RAP1GAP2: variants seen among roughly 807,000 people sequenced by gnomAD.
RAP1GAP2 encodes rap1 GTPase-activating protein 2.
In RAP1GAP2, 27 loss-of-function variants were observed where a neutral mutation model predicts 95.0. The observed-to-expected ratio is 0.28, with a 90% CI of 0.21 to 0.39. The LOEUF is 0.39. Among genes scored for constraint, RAP1GAP2 ranks in the 10% least tolerant of loss-of-function variants. The pLI is 1.00. For synonymous variants in RAP1GAP2, 373 were observed against 380.9 expected (o/e 0.98, Z 0.24); for missense variants, 771 against 970.0 (o/e 0.79, Z 2.72).
At chr17:2,935,585 T>C (rs967436638) in intron 3 of RAP1GAP2, among the ~76,000 whole-genome samples, 1 of 151,878 alleles carries the variant, frequency 6.6e-6, no homozygotes, top group Non-Finnish European at 1.5e-5. Context: ...TCAATAAATG[T>C]CACCCCCCCG....
At chr17:2,829,277 C>G (rs1287618587) in intron 2 of RAP1GAP2, among the ~76,000 whole-genome samples, 1 of 152,160 alleles carries the variant, frequency 6.6e-6, no homozygotes, top group African/African-American at 2.4e-5. Flanking sequence ...AGCTACCATG[C>G]CCGGCCAATT....
At chr17:2,948,435 G>A (rs1597694158) in intron 3 of RAP1GAP2, among the ~76,000 whole-genome samples, 1 of 152,220 alleles carries the variant, frequency 6.6e-6, no homozygotes, top group East Asian at 1.9e-4. Context: ...GGTCTCATGA[G>A]CTGGGGTGCG....
chr17:2,995,555 C>T lies in RAP1GAP2; in HGVS notation c.1044+89C>T, dbSNP rs556757884. ...TGACCTGCTAAGAGGCTGTGGCCGT[C>T]CCCATATTCGTTCCCGTAGCCGGCC... On this transcript the variant is annotated intron_variant, in intron 13 of 24. Coordinates refer to ENST00000254695, the MANE Select transcript of RAP1GAP2 (RefSeq NM_015085.5). 3.9e-6 allele frequency: 6 copies of T among 1,536,434 alleles called. No individual in the cohort carries two copies. The East Asian group carries it at 1.1e-4, about 29-fold the overall frequency.
At chr17:2,824,540 C>T (rs898874081) in intron 2 of RAP1GAP2, among the ~76,000 whole-genome samples, 2 of 150,568 alleles carry the variant, frequency 1.3e-5, no homozygotes, top group Admixed American at 6.7e-5. Flanking sequence ...GTCAGGAGTT[C>T]GAGACCAGCC....
intron 2 of RAP1GAP2, among the ~76,000 whole-genome samples, chr17:2,811,199 G>A (rs914923983): frequency 1.3e-5 from 2 of 152,114 alleles, no homozygotes; most frequent in Non-Finnish European, 2.9e-5. Context: ...ACCTGCCTGG[G>A]CTGATCTTTG....
At chr17:2,891,206 G>C (rs1438659352) in intron 2 of RAP1GAP2, among the ~76,000 whole-genome samples, 1 of 151,480 alleles carries the variant, frequency 6.6e-6, no homozygotes, top group Non-Finnish European at 1.5e-5. Context: ...GGAGTGCAGT[G>C]CCACATTCAT....
chr17:2,852,819 G>T (rs1199407808), intron 2 of RAP1GAP2, among the ~76,000 whole-genome samples: 3 of 152,140 alleles, frequency 2.0e-5, no homozygotes, highest in Non-Finnish European at 2.9e-5. Flanking sequence ...GATTGTGAGC[G>T]AGGCCCCGCG....
At chr17:2,920,153 C>T (rs1381980227) in intron 3 of RAP1GAP2, among the ~76,000 whole-genome samples, 2 of 152,104 alleles carry the variant, frequency 1.3e-5, no homozygotes, top group African/African-American at 2.4e-5. Context: ...CACAGGTGTG[C>T]ACCACCACGC....
rs1199852938 is a variant in RAP1GAP2, at chr17:2,867,656, C to T, written c.81-37628C>T. The stretch of plus-strand genomic sequence containing the variant: ...AGGTCTTACGCCCACCGCTGGTTCC[C>T]GGGATGCAGGGACTTGGCTGGGAGT... On this transcript the variant is annotated intron_variant, in intron 2 of 24. Coordinates refer to ENST00000254695, the MANE Select transcript of RAP1GAP2 (RefSeq NM_015085.5). The surrounding 1 kb of genome is among the most constrained non-coding windows in gnomAD (Gnocchi z 4.5). 2.0e-5 allele frequency among the ~76,000 whole-genome samples: 3 copies of T among 152,150 alleles called. No homozygotes were observed. Among genetic ancestry groups the T allele is most frequent in the Non-Finnish European group, 4.4e-5 (3 of 68,016 alleles).
intron 3 of RAP1GAP2, among the ~76,000 whole-genome samples, chr17:2,934,428 G>A (rs1420623633): frequency 1.3e-5 from 2 of 152,142 alleles, no homozygotes; most frequent in East Asian, 1.9e-4. Context: ...CACCGCACCC[G>A]GCCTTGCAAA....
At chr17:2,758,181 C>CCCT (rs1555537910) in intron 1 of RAP1GAP2, among the ~76,000 whole-genome samples, 1,451 of 124,092 alleles carry the variant, frequency 0.012, 50 homozygotes, top group African/African-American at 0.035. Flanking sequence ...GCCCCCCCCC[C>CCCT]TTTTTTTTTT....
chr17:2,933,658 C>G (rs889542933), intron 3 of RAP1GAP2, among the ~76,000 whole-genome samples: 1 of 152,254 alleles, frequency 6.6e-6, no homozygotes, highest in Admixed American at 6.5e-5. Flanking sequence ...AAGCCTTTGC[C>G]TGGGCTGTTC....
chr17:2,926,123 C>T (rs1251916680), intron 3 of RAP1GAP2, among the ~76,000 whole-genome samples: 1 of 130,862 alleles, frequency 7.6e-6, no homozygotes, highest in East Asian at 2.3e-4. Flanking sequence ...AAGCCTCTGT[C>T]TCAAAAAAAA....
At chr17:2,987,446 C>T (rs1179742845) in intron 11 of RAP1GAP2, among the ~76,000 whole-genome samples, 3 of 150,816 alleles carry the variant, frequency 2.0e-5, no homozygotes. Context: ...TCATTGCAAC[C>T]TCCGCCTCCC....
chr17:2,838,538 C>G (rs960606799), intron 2 of RAP1GAP2, among the ~76,000 whole-genome samples: 1 of 152,034 alleles, frequency 6.6e-6, no homozygotes, highest in Non-Finnish European at 1.5e-5. Flanking sequence ...GTTGACCCCT[C>G]GGGATGTGTG....
intron 3 of RAP1GAP2, among the ~76,000 whole-genome samples, chr17:2,953,965 C>T (rs1468379375): frequency 1.3e-5 from 2 of 152,168 alleles, no homozygotes; most frequent in South Asian, 2.1e-4. Context: ...AAACGAAATC[C>T]GTACCTTTTA....
intron 3 of RAP1GAP2, among the ~76,000 whole-genome samples, chr17:2,909,639 G>A (rs1044551795): frequency 1.3e-5 from 2 of 152,200 alleles, no homozygotes; most frequent in African/African-American, 2.4e-5. Flanking sequence ...AGGCAGGCCC[G>A]GAGCAGAGCA....
At chr17:2,935,762 G>A (rs985062652) in intron 3 of RAP1GAP2, among the ~76,000 whole-genome samples, 1 of 152,220 alleles carries the variant, frequency 6.6e-6, no homozygotes, top group Non-Finnish European at 1.5e-5. Context: ...AAGGAGGCAA[G>A]TGAGGCGCGA....
chr17:2,998,478 C>T, intron 14 of RAP1GAP2, 102 bp downstream of exon 14: 1 of 1,386,204 alleles, frequency 7.2e-7, no homozygotes, highest in Non-Finnish European at 9.8e-7. Flanking sequence ...GTCAGAGATT[C>T]TCCATGAGTT....
Sources: allele counts gnomAD v4.1 joint callset (sites outside exome capture counted in the v4.1 genomes callset), GRCh38; gene constraint gnomAD v4.1.1; non-coding constraint Gnocchi (gnomAD v3.1); transcripts MANE v1.5; gene names NCBI Gene and HGNC (gene_info 2026-07-23, HGNC 2026-07-21).